Variants in SHROOM3 observed in about 807,000 individuals in gnomAD.
The protein encoded by SHROOM3 is protein Shroom3.
Under a neutral mutation model 138.6 loss-of-function variants are expected in SHROOM3, and 47 were observed. That is an observed-to-expected ratio of 0.34 (90% CI 0.27 to 0.43). SHROOM3 has a LOEUF of 0.43. Among genes scored for constraint, SHROOM3 ranks in the 20% least tolerant of loss-of-function variants. The probability of loss-of-function intolerance (pLI) is 1.00; values close to 1 mark genes in which losing one functional copy is unlikely to be tolerated. For synonymous variants in SHROOM3, 1,062 were observed against 1,063.3 expected (o/e 1.00, Z 0.02); for missense variants, 2,491 against 2,596.5 (o/e 0.96, Z 0.88).
intron 2 of SHROOM3, among the ~76,000 whole-genome samples, chr4:76,649,485 T>C (rs540970294): frequency 1.3e-5 from 2 of 152,306 alleles, no homozygotes; most frequent in African/African-American, 4.8e-5. Flanking sequence ...ATCCTAGGGC[T>C]TCAATCAAAA....
intron 2 of SHROOM3, among the ~76,000 whole-genome samples, chr4:76,667,966 CAAAA>C (rs747974205): frequency 4.5e-4 from 28 of 62,556 alleles, no homozygotes; most frequent in African/African-American, 1.0e-3. Flanking sequence ...GACTCCCTCT[CAAAA>C]AAAAAAAAAA....
chr4:76,607,568 T>A (rs1285338605), intron 2 of SHROOM3, among the ~76,000 whole-genome samples: 1 of 152,200 alleles, frequency 6.6e-6, no homozygotes, highest in African/African-American at 2.4e-5. Flanking sequence ...CCGCATTTTC[T>A]ATTTATTACT....
At chr4:76,541,910 G>A (rs78019477) in intron 1 of SHROOM3, among the ~76,000 whole-genome samples, 7 of 152,294 alleles carry the variant, frequency 4.6e-5, no homozygotes, top group Non-Finnish European at 1.0e-4. Flanking sequence ...ACGGGATGGA[G>A]CAGAGGAAGG....
chr4:76,724,324 G>T (rs1438523470), intron 3 of SHROOM3, among the ~76,000 whole-genome samples: 2 of 152,134 alleles, frequency 1.3e-5, no homozygotes, highest in Non-Finnish European at 2.9e-5. Context: ...AGTTCTTAAA[G>T]ATCAAAGTGA....
intron 9 of SHROOM3, among the ~76,000 whole-genome samples, chr4:76,769,263 C>T (rs1257737990): frequency 6.7e-6 from 1 of 149,432 alleles, no homozygotes; most frequent in Non-Finnish European, 1.5e-5. Context: ...TATACACACA[C>T]ACCAATTATA....
chr4:76,608,673 T>TAGCATAGCATAGCAC lies in SHROOM3; in HGVS notation c.323+52914_323+52915insTAGCATAGCACAGCA, dbSNP rs1734692965. 3.2e-4 allele frequency among the ~76,000 whole-genome samples: 35 copies of TAGCATAGCATAGCAC among 108,098 alleles called. 1 individual carries two copies. Among genetic ancestry groups the TAGCATAGCATAGCAC allele is most frequent in the African/African-American group, 1.2e-3 (35 of 28,730 alleles). The allele number at this position is 108,098 out of a possible 152,430, so 70.9% of individuals were successfully genotyped here. A position where few individuals can be genotyped will look rare whatever the true frequency, so the allele number is the denominator to read the frequency against. ...TAGCATAGCATAGCATAGCACAGCA[T>TAGCATAGCATAGCAC]AGCACAGCACAGCACAGCACAGCAC... On this transcript the variant is annotated intron_variant, in intron 2 of 10. Transcript: ENST00000296043.
In SHROOM3 at chr4:76,740,356, G is replaced by C. The variant is rs769938850; in HGVS notation, c.2183G>C (p.Arg728Thr). The C allele has an allele frequency of 6.2e-7, 1 of 1,613,104 alleles. No homozygotes were observed. Among genetic ancestry groups the C allele is most frequent in the South Asian group, 1.1e-5 (1 of 91,088 alleles). Residue 728 changes from arginine to threonine, a missense_variant, in exon 5 of 11, where the codon AGG (arginine) becomes ACG (threonine). This residue lies in a region of SHROOM3 where 1,733 missense variants were observed against 1,661.6 expected (regional missense o/e 1.04). Transcript: ENST00000296043. This position sits in a 1 kb window ranked among gnomAD's most constrained non-coding sequence, Gnocchi z 4.0. ...GTTTCCTACCCGCGGCCCGAGGGGAGGACCGGTGCCTCGGCTTCTTTCAAC... is the reference window on the plus strand; with the variant it reads ...GTTTCCTACCCGCGGCCCGAGGGGACGACCGGTGCCTCGGCTTCTTTCAAC... ...RQVSYPRPEGRTGASASFNST... is the reference protein window; with the variant it reads ...RQVSYPRPEGTTGASASFNST...
chr4:76,590,394 T>TATGCCTGAGTGGAGG (rs1734245607), intron 2 of SHROOM3, among the ~76,000 whole-genome samples: 1 of 152,152 alleles, frequency 6.6e-6, no homozygotes, highest in Admixed American at 6.5e-5. Context: ...TCAGGAATGT[T>TATGCCTGAGTGGAGG]AATGGTATGC....
At chr4:76,460,290 C>T in intron 1 of SHROOM3, among the ~76,000 whole-genome samples, 1 of 152,156 alleles carries the variant, frequency 6.6e-6, no homozygotes, top group East Asian at 1.9e-4. Context: ...ATCCTTCCCT[C>T]TTATGTATAA....
intron 1 of SHROOM3, among the ~76,000 whole-genome samples, chr4:76,518,378 T>G (rs993311892): frequency 5.9e-5 from 9 of 152,148 alleles, no homozygotes; most frequent in Admixed American, 1.3e-4. Flanking sequence ...ATGAGATCAT[T>G]TTCCCCATGT....
intron 2 of SHROOM3, among the ~76,000 whole-genome samples, chr4:76,637,002 G>A (rs1032502230): frequency 2.6e-5 from 4 of 152,136 alleles, no homozygotes; most frequent in Admixed American, 1.3e-4. Flanking sequence ...TACATCATAG[G>A]AATTTAACTC....
At chr4:76,763,982 G>A (rs774952748) in intron 9 of SHROOM3, among the ~76,000 whole-genome samples, 32 of 152,172 alleles carry the variant, frequency 2.1e-4, no homozygotes, top group Non-Finnish European at 2.6e-4. Flanking sequence ...GAGGTAGAAT[G>A]TAGCCTTTGA....
chr4:76,476,540 C>T (rs1003174127), intron 1 of SHROOM3, among the ~76,000 whole-genome samples: 1 of 152,174 alleles, frequency 6.6e-6, no homozygotes, highest in Admixed American at 6.5e-5. Flanking sequence ...TTCTATTTTT[C>T]TGTCCCTTGG....
intron 1 of SHROOM3, among the ~76,000 whole-genome samples, chr4:76,503,166 T>TA (rs1732135300): frequency 1.2e-4 from 5 of 41,754 alleles, no homozygotes; most frequent in East Asian, 1.3e-3. Flanking sequence ...TTTGTCAACT[T>TA]CCACACACAC....
chr4:76,477,441 G>A (rs1430558378), intron 1 of SHROOM3, among the ~76,000 whole-genome samples: 1 of 152,042 alleles, frequency 6.6e-6, no homozygotes, highest in African/African-American at 2.4e-5. Flanking sequence ...TCCTCTTTCT[G>A]TTTTTGCCTG....
intron 2 of SHROOM3, among the ~76,000 whole-genome samples, chr4:76,669,156 C>T (rs988168890): frequency 1.3e-5 from 2 of 152,160 alleles, no homozygotes; most frequent in Admixed American, 6.6e-5. Context: ...ACTGTTTTAA[C>T]AAAACAACAA....
chr4:76,689,913 A>G (rs1289299364), intron 2 of SHROOM3, among the ~76,000 whole-genome samples: 1 of 152,182 alleles, frequency 6.6e-6, no homozygotes, highest in Non-Finnish European at 1.5e-5. Flanking sequence ...GCTTTTTATC[A>G]GAGAGGCAGT....
chr4:76,463,889 A>C (rs1173090110), intron 1 of SHROOM3, among the ~76,000 whole-genome samples: 1 of 152,184 alleles, frequency 6.6e-6, no homozygotes, highest in Non-Finnish European at 1.5e-5. Flanking sequence ...TAGAGTTCAG[A>C]GTGTGTATGG....
chr4:76,440,354 G>A (rs1016805072), intron 1 of SHROOM3, among the ~76,000 whole-genome samples: 1 of 152,142 alleles, frequency 6.6e-6, no homozygotes, highest in Non-Finnish European at 1.5e-5. Flanking sequence ...CATGCATTCT[G>A]GTTCCAGAGT....
Sources: allele counts gnomAD v4.1 joint callset (sites outside exome capture counted in the v4.1 genomes callset), GRCh38; gene constraint gnomAD v4.1.1; regional missense constraint gnomAD v4.1.1; non-coding constraint Gnocchi (gnomAD v3.1); transcripts MANE v1.5; gene names NCBI Gene and HGNC (gene_info 2026-07-23, HGNC 2026-07-21).